SPRING1: variants seen among roughly 807,000 people sequenced by gnomAD.
The protein encoded by SPRING1 is SREBF pathway regulator in golgi 1, also known as SREBP regulating gene protein.
A neutral mutation model predicts 24.7 loss-of-function variants in SPRING1; 14 were observed. That is an observed-to-expected ratio of 0.57 (90% CI 0.37 to 0.88). The LOEUF is 0.88. Ranked by LOEUF, SPRING1 falls within the 40% of genes least tolerant of loss-of-function variation. The pLI is 0.00. For missense variants in SPRING1, 255 were observed against 268.4 expected, an observed-to-expected ratio of 0.95 and a Z score of 0.35; for synonymous variants, 93 against 106.1, an observed-to-expected ratio of 0.88 and a Z score of 0.76.
Position 116,714,271 on chromosome 12 carries a change from A to G in SPRING1, c.*3539T>C, listed in dbSNP as rs897610311. 4 of 152,226 alleles carry G rather than the reference A, an allele frequency of 2.6e-5. No individual in the cohort carries two copies. Among genetic ancestry groups the G allele is most frequent in the Non-Finnish European group, 5.9e-5 (4 of 68,046 alleles). The allele number at this position is 152,226 out of a possible 1,614,324, so 9.4% of individuals were successfully genotyped here. On this transcript the variant is annotated 3_prime_UTR_variant, in exon 5 of 5. Transcript: ENST00000261318. ...CTACTTATGAAAAGTATATCCAATAAGCAGTACCTCCCTGTGTTTACAACT... is the reference window on the plus strand; with the variant it reads ...CTACTTATGAAAAGTATATCCAATAGGCAGTACCTCCCTGTGTTTACAACT...
intron 1 of SPRING1, among the ~76,000 whole-genome samples, chr12:116,725,633 C>G (rs1057311624): frequency 6.6e-5 from 10 of 152,220 alleles, no homozygotes; most frequent in African/African-American, 2.4e-5. Context: ...CACCTGTAAT[C>G]CCAACACTTT....
chr12:116,729,048 A>G (rs997747545), intron 1 of SPRING1, among the ~76,000 whole-genome samples: 3 of 152,250 alleles, frequency 2.0e-5, no homozygotes, highest in African/African-American at 7.2e-5. Flanking sequence ...TTTAAAAATA[A>G]CAACAATGAA....
chr12:116,729,737 A>C (rs933515879), intron 1 of SPRING1, among the ~76,000 whole-genome samples: 10 of 152,348 alleles, frequency 6.6e-5, no homozygotes, highest in African/African-American at 2.4e-4. Flanking sequence ...ATATTATAGA[A>C]TGCCAATTAT....
Position 116,728,841 on chromosome 12 carries a change from C to A in SPRING1, c.112-5618G>T, listed in dbSNP as rs1045397779. Among the ~76,000 whole-genome samples the A allele has an allele frequency of 3.3e-5, 5 of 152,178 alleles. No individual in the cohort carries two copies. Among genetic ancestry groups the A allele is most frequent in the Admixed American group, 6.5e-5 (1 of 15,272 alleles). On this transcript the variant is annotated intron_variant, in intron 1 of 4. Coordinates refer to ENST00000261318, the MANE Select transcript of SPRING1 (RefSeq NM_024738.4). The surrounding 1 kb of genome is among the most constrained non-coding windows in gnomAD (Gnocchi z 4.2). ...GCTGAGCAGGGACGGCCAAGTCAGA[C>A]GCATGCAGGAGCGCCTCTGCCAGAG...
intron 1 of SPRING1, among the ~76,000 whole-genome samples, chr12:116,729,859 T>A (rs1242702983): frequency 1.3e-5 from 2 of 152,220 alleles, no homozygotes; most frequent in Non-Finnish European, 2.9e-5. Flanking sequence ...TACTGGTTTG[T>A]GAATATACTA....
intron 4 of SPRING1, 102 bp downstream of exon 4, chr12:116,719,661 C>T: frequency 1.1e-6 from 1 of 922,964 alleles, no homozygotes; most frequent in Non-Finnish European, 1.7e-6. Context: ...CGAGTCTCTT[C>T]TCCCTTACCA....
chr12:116,718,009 C>A (rs548966985), intron 4 of SPRING1, 116 bp from the exon 5 acceptor site: 4 of 797,768 alleles, frequency 5.0e-6, no homozygotes, highest in Non-Finnish European at 7.3e-6. Flanking sequence ...GGGGGCTGGC[C>A]GAGTCCATCT....
chr12:116,734,308 G>C (rs1313683992), intron 1 of SPRING1, among the ~76,000 whole-genome samples: 2 of 152,194 alleles, frequency 1.3e-5, no homozygotes, highest in Admixed American at 6.5e-5. Context: ...TACAGGCTTA[G>C]AGCCTAGGAG....
At position 116,717,009 on chromosome 12, in the gene SPRING1, T is replaced by C. The variant is rs145598804; in HGVS notation, c.*801A>G. The C allele has an allele frequency of 2.0e-5, 3 of 152,298 alleles. No individual in the cohort carries two copies. The highest frequency in any genetic ancestry group is 7.2e-5 in the African/African-American group (3 of 41,566). 9.4% of individuals were successfully genotyped at this position (152,298 alleles called of 1,614,324 possible). A position where few individuals can be genotyped will look rare whatever the true frequency, so the allele number is the denominator to read the frequency against. On this transcript the variant is annotated 3_prime_UTR_variant, in exon 5 of 5. Transcript: ENST00000261318. The surrounding 1 kb of genome is among the most constrained non-coding windows in gnomAD (Gnocchi z 4.2). ...AACAAATTCCTCCAGGAAGAGAAAT[T>C]AGATTTCTGCTAAAACAGTGCTCTC...
rs11068164 is a variant in SPRING1 at position 116,721,390 on chromosome 12, C to A, written c.269-943G>T. Among the ~76,000 whole-genome samples, 11 of 152,348 alleles carry A rather than the reference C, an allele frequency of 7.2e-5. No homozygotes were observed. The East Asian group carries it at 1.5e-3, about 21-fold the overall frequency. ...TGCATTCCAAACACCCCAGCTTCTT[C>A]ATCCTCAGAGAAGGAGACTTGCTGA... On this transcript the variant is annotated intron_variant, in intron 2 of 4. Transcript: ENST00000261318.
chr12:116,720,273 G>T lies in SPRING1; in HGVS notation c.420+23C>A, dbSNP rs752633472. On this transcript the variant is annotated intron_variant, in intron 3 of 4. Coordinates refer to ENST00000261318, the MANE Select transcript of SPRING1 (RefSeq NM_024738.4). The surrounding 1 kb of genome is among the most constrained non-coding windows in gnomAD (Gnocchi z 4.0). ...AGGCCGAAAGAAAAAAGGAGCCGCA[G>T]AACCAGGATCAACTCCCCATACCTT... is the stretch of plus-strand genomic sequence containing the variant. The T allele has an allele frequency of 1.2e-5, 19 of 1,578,912 alleles. No individual in the cohort carries two copies. In the African/African-American group the frequency reaches 2.6e-4, roughly 22 times the overall value.
chr12:116,717,761 T>C lies in SPRING1; in HGVS notation c.*49A>G. 5 of 1,489,428 alleles carry C rather than the reference T, an allele frequency of 3.4e-6. No individual in the cohort carries two copies. The highest frequency in any genetic ancestry group is 4.5e-6 in the Non-Finnish European group (5 of 1,102,528). 92.3% of individuals were successfully genotyped at this position (1,489,428 alleles called of 1,614,324 possible). ...TGAAGCTGGGTCCCAGGAGGCGAGT[T>C]CTTCAGCGGGGCCTCCTCACCCAGG... On this transcript the variant is annotated 3_prime_UTR_variant, in exon 5 of 5. Transcript: ENST00000261318. This position sits in a 1 kb window ranked among gnomAD's most constrained non-coding sequence, Gnocchi z 4.2.
At chr12:116,725,752 G>A (rs1870657377) in intron 1 of SPRING1, among the ~76,000 whole-genome samples, 1 of 152,104 alleles carries the variant, frequency 6.6e-6, no homozygotes, top group Admixed American at 6.5e-5. Flanking sequence ...TGGGCGTGGT[G>A]GCGGGCGCCT....
intron 1 of SPRING1, among the ~76,000 whole-genome samples, chr12:116,733,263 AC>A (rs1317504531): frequency 1.3e-5 from 2 of 151,196 alleles, no homozygotes; most frequent in Non-Finnish European, 2.9e-5. Context: ...GCTCACTGCA[AC>A]CTCCGCCTCC....
chr12:116,728,186 G>A lies in SPRING1; in HGVS notation c.112-4963C>T, dbSNP rs191843560. On this transcript the variant is annotated intron_variant, in intron 1 of 4. Transcript: ENST00000261318. The surrounding 1 kb of genome is among the most constrained non-coding windows in gnomAD (Gnocchi z 4.2). ...TGTTTAATCTCAGGTCAAATGCCTC[G>A]CATAGTTAGGCCCGCCCTGCCACTA... 2.9e-4 allele frequency among the ~76,000 whole-genome samples: 44 copies of A among 152,204 alleles called. No homozygotes were observed. The highest frequency in any genetic ancestry group is 1.9e-3 in the Admixed American group (29 of 15,278).
chr12:116,738,001 G>C lies in SPRING1; in HGVS notation c.-101C>G, dbSNP rs1030524353. 17 of 1,140,904 alleles carry C rather than the reference G, an allele frequency of 1.5e-5. No individual in the cohort carries two copies. Among genetic ancestry groups the C allele is most frequent in the Non-Finnish European group, 1.7e-5 (16 of 926,484 alleles). 70.7% of individuals were successfully genotyped at this position (1,140,904 alleles called of 1,614,324 possible). ...CGCGCCCGGCAGCCCCATCCCTCCA[G>C]GCAGGCGCCGGCCCCGCCGCCCGCA... On this transcript the variant is annotated 5_prime_UTR_variant, in exon 1 of 5. Coordinates refer to ENST00000261318, the MANE Select transcript of SPRING1 (RefSeq NM_024738.4).
At position 116,720,761 on chromosome 12, in the gene SPRING1, A is replaced by G. The variant is rs1870392082; in HGVS notation, c.269-314T>C. Among the ~76,000 whole-genome samples, 2 of 152,178 alleles carry G rather than the reference A, an allele frequency of 1.3e-5. No individual in the cohort carries two copies. Among genetic ancestry groups the G allele is most frequent in the Non-Finnish European group, 2.9e-5 (2 of 68,036 alleles). On this transcript the variant is annotated intron_variant, in intron 2 of 4. Coordinates refer to ENST00000261318, the MANE Select transcript of SPRING1 (RefSeq NM_024738.4). The surrounding 1 kb of genome is among the most constrained non-coding windows in gnomAD (Gnocchi z 4.0). ...AGCTACGGCTACGTTCTCCTATTCT[A>G]ACCTATGCAAGCCAACGTCTCATCT...
intron 2 of SPRING1, 63 bp downstream of exon 2, chr12:116,723,004 C>G (rs1210937949): frequency 6.3e-7 from 1 of 1,598,792 alleles, no homozygotes; most frequent in Non-Finnish European, 8.5e-7. Context: ...AACAAAAACC[C>G]TATGAATGGC....
At chr12:116,725,149 C>T (rs1483707626) in intron 1 of SPRING1, among the ~76,000 whole-genome samples, 3 of 152,166 alleles carry the variant, frequency 2.0e-5, no homozygotes, top group Non-Finnish European at 4.4e-5. Context: ...AACAGTTACT[C>T]GCAGTTAACT....
Sources: allele counts gnomAD v4.1 joint callset (sites outside exome capture counted in the v4.1 genomes callset), GRCh38; gene constraint gnomAD v4.1.1; non-coding constraint Gnocchi (gnomAD v3.1); transcripts MANE v1.5; gene names NCBI Gene and HGNC (gene_info 2026-07-23, HGNC 2026-07-21).